Variants in UBE2Q1 observed in about 807,000 individuals in gnomAD.
UBE2Q1 encodes ubiquitin conjugating enzyme E2 Q1, also known as ubiquitin-conjugating enzyme E2 Q1.
UBE2Q1 carries 6 observed loss-of-function variants against 60.1 expected under a neutral mutation model. That is an observed-to-expected ratio of 0.10 (90% CI 0.05 to 0.20). UBE2Q1 has a LOEUF of 0.20. Ranked by LOEUF, UBE2Q1 falls within the 10% of genes least tolerant of loss-of-function variation. The probability of loss-of-function intolerance (pLI) is 1.00; values close to 1 mark genes in which losing one functional copy is unlikely to be tolerated. For synonymous variants in UBE2Q1, 226 were observed against 208.3 expected (o/e 1.09, Z -0.73); for missense variants, 262 against 525.8 (o/e 0.50, Z 4.91).
intron 1 of UBE2Q1, among the ~76,000 whole-genome samples, chr1:154,556,214 C>G (rs987842887): frequency 1.3e-5 from 2 of 152,072 alleles, no homozygotes; most frequent in African/African-American, 4.8e-5. Context: ...TTTCTTTCCT[C>G]GAGAGTACAA....
rs1695851846 is a variant in UBE2Q1, at chr1:154,554,723, G to A, written c.588+12C>T. 6 of 1,612,920 alleles carry A rather than the reference G, an allele frequency of 3.7e-6. No individual in the cohort carries two copies. On this transcript the variant is annotated intron_variant, in intron 4 of 12. Coordinates refer to ENST00000292211, the MANE Select transcript of UBE2Q1 (RefSeq NM_017582.7). The stretch of plus-strand genomic sequence containing the variant: ...AGCTTCCAGCCAATGCCACCTCAGG[G>A]GGCAAGCCTACCTCAGGCATCTCCT...
intron 6 of UBE2Q1, 51 bp downstream of exon 6, chr1:154,552,685 C>A: frequency 1.3e-6 from 2 of 1,592,120 alleles, no homozygotes; most frequent in Non-Finnish European, 1.7e-6. Context: ...TGCCACCATA[C>A]CCTTCTTTAT....
intron 12 of UBE2Q1, 30 bp downstream of exon 12, chr1:154,550,908 G>A (rs368088944): frequency 3.2e-5 from 51 of 1,613,972 alleles, no homozygotes; most frequent in Middle Eastern, 1.7e-4. Context: ...GCAAGTGTCC[G>A]AATCTCCTGA....
intron 2 of UBE2Q1, 92 bp downstream of exon 2, chr1:154,555,768 A>G: frequency 8.3e-7 from 1 of 1,205,018 alleles, no homozygotes; most frequent in Non-Finnish European, 1.2e-6. Flanking sequence ...TTAGCTGTGT[A>G]CCGTCCACTT....
At chr1:154,554,810 A>G in intron 3 of UBE2Q1, 25 bp from the exon 4 acceptor site, 2 of 1,611,770 alleles carry the variant, frequency 1.2e-6, no homozygotes, top group African/African-American at 1.3e-5. Context: ...GGAAAGATGG[A>G]GATCAGAGCC....
At chr1:154,558,071 C>T (rs895767618) in intron 1 of UBE2Q1, among the ~76,000 whole-genome samples, 156 bp downstream of exon 1, 1 of 151,894 alleles carries the variant, frequency 6.6e-6, no homozygotes, top group African/African-American at 2.4e-5. Context: ...ACTGCATAAC[C>T]TCAAGCAGCA....
Position 154,553,120 on chromosome 1 carries a change from C to A in UBE2Q1, c.641G>T (p.Gly214Val), listed in dbSNP as rs764645047. 1 of 1,613,990 alleles carries A rather than the reference C, an allele frequency of 6.2e-7. No individual in the cohort carries two copies. Among genetic ancestry groups the A allele is most frequent in the Non-Finnish European group, 8.5e-7 (1 of 1,180,038 alleles). ...YEMKEEEPAE[G>V]KKSEDDGIGK... Reference sequence around the variant, plus strand: ...AATGCCATCATCTTCAGATTTCTTGCCCTCAGCTGGCTCTTCCTCTTTCAT... The same window carrying A: ...AATGCCATCATCTTCAGATTTCTTGACCTCAGCTGGCTCTTCCTCTTTCAT... The change falls in exon 5 of 13, where the codon GGC (glycine) becomes GTC (valine). Residue 214 changes from glycine (G) to valine (V), a missense_variant. Around this residue, in one of 5 missense-constraint regions of UBE2Q1, gnomAD observed 111 missense variants for 266.8 expected, o/e 0.42. Transcript: ENST00000292211.
At chr1:154,555,330 T>A (rs1205260810) in intron 3 of UBE2Q1, 98 bp downstream of exon 3, 1 of 1,015,518 alleles carries the variant, frequency 9.8e-7, no homozygotes, top group Non-Finnish European at 1.5e-6. Context: ...TGGGAGCCGG[T>A]GGGGATGGAG....
intron 1 of UBE2Q1, among the ~76,000 whole-genome samples, chr1:154,556,990 C>T (rs983675487): frequency 3.3e-5 from 5 of 152,146 alleles, no homozygotes; most frequent in Non-Finnish European, 1.5e-5. Context: ...CAAAGATGCC[C>T]AAGTCTTCAC....
chr1:154,550,850 A>G (rs370253850), intron 12 of UBE2Q1, 88 bp downstream of exon 12: 11 of 1,608,364 alleles, frequency 6.8e-6, no homozygotes, highest in Middle Eastern at 1.7e-4. Context: ...ATCAGAAACC[A>G]AAAGAAGGGG....
intron 4 of UBE2Q1, among the ~76,000 whole-genome samples, chr1:154,554,044 G>C (rs546774190): frequency 1.3e-4 from 20 of 152,244 alleles, no homozygotes; most frequent in Non-Finnish European, 2.6e-4. Flanking sequence ...AGCAGGTAAT[G>C]TCTACTGAGT....
intron 3 of UBE2Q1, 84 bp from the exon 4 acceptor site, chr1:154,554,869 A>G: frequency 1.4e-6 from 2 of 1,459,148 alleles, no homozygotes; most frequent in Non-Finnish European, 1.9e-6. Context: ...CTGAGCCCCC[A>G]GGTCTGGAAG....
intron 4 of UBE2Q1, 77 bp from the exon 5 acceptor site, chr1:154,553,249 CA>C (rs1235856818): frequency 1.3e-6 from 2 of 1,542,340 alleles, no homozygotes; most frequent in Admixed American, 4.2e-5. Context: ...ATCACCTTCC[CA>C]GTCCCATTTG....
At position 154,552,093 on chromosome 1, in the gene UBE2Q1, T is replaced by C. The variant is rs1005511000; in HGVS notation, c.966A>G (p.Lys322=). 3.7e-6 allele frequency: 6 copies of C among 1,614,084 alleles called. No homozygotes were observed. In the African/African-American group the frequency reaches 6.7e-5, roughly 18 times the overall value. The part of the protein sequence containing the change: ...ADFILLNFSF[K]DNFPFDPPFV... Reference sequence around the variant, plus strand: ...AGAGACTGGAAAAGAAAAGTCTTACTTTAAAGGAAAAGTTAAGTAGAATGA... The same window carrying C: ...AGAGACTGGAAAAGAAAAGTCTTACCTTAAAGGAAAAGTTAAGTAGAATGA... Residue 322 remains lysine, a splice_region_variant and synonymous_variant, in exon 8 of 13, where the codon AAA becomes AAG. Transcript: ENST00000292211.
At chr1:154,553,614 A>C (rs1695832192) in intron 4 of UBE2Q1, 1 of 161,402 alleles carries the variant, frequency 6.2e-6, no homozygotes, top group South Asian at 1.7e-4. Context: ...CCAAGCCTAA[A>C]GGAGAAACCT....
At position 154,553,066 on chromosome 1, in the gene UBE2Q1, T is replaced by G; in HGVS notation, c.695A>C (p.Lys232Thr). The change falls in exon 5 of 13, where the codon AAA becomes ACA. Residue 232 changes from lysine (K) to threonine (T), a missense_variant. Physicochemically the swap from Lys to Thr is moderately conservative, Grantham distance 78. This residue lies in a region of UBE2Q1 where 111 missense variants were observed against 266.8 expected (regional missense o/e 0.42). Transcript: ENST00000292211. ...IGKENLAILE[K>T]IKKNQRQDYL... ...ATCTTGCCTCTGGTTCTTTTTAATT[T>G]TCTCTAGGATGGCCAAGTTTTCTTT... is the stretch of plus-strand genomic sequence containing the variant. 1 of 1,614,178 alleles carries G rather than the reference T, an allele frequency of 6.2e-7. No individual in the cohort carries two copies. Among genetic ancestry groups the G allele is most frequent in the South Asian group, 1.1e-5 (1 of 91,088 alleles).
rs1409279458 is a variant in UBE2Q1, at chr1:154,552,073, C to A, written c.966+20G>T. ...GGGCAGCCTAGGCCAGAGGGAGAGACTGGAAAAGAAAAGTCTTACTTTAAA... is the reference window on the plus strand; with the variant it reads ...GGGCAGCCTAGGCCAGAGGGAGAGAATGGAAAAGAAAAGTCTTACTTTAAA... On this transcript the variant is annotated intron_variant, in intron 8 of 12. Transcript: ENST00000292211. The A allele has an allele frequency of 6.2e-7, 1 of 1,614,106 alleles. No individual in the cohort carries two copies. The highest frequency in any genetic ancestry group is 8.5e-7 in the Non-Finnish European group (1 of 1,179,988).
intron 8 of UBE2Q1, 31 bp from the exon 9 acceptor site, chr1:154,552,010 G>A (rs760951743): frequency 6.2e-7 from 1 of 1,614,022 alleles, no homozygotes; most frequent in Non-Finnish European, 8.5e-7. Flanking sequence ...AATCAGGGGA[G>A]GGAGGCCAGC....
At chr1:154,555,047 G>C (rs1024852177) in intron 3 of UBE2Q1, 25 of 531,692 alleles carry the variant, frequency 4.7e-5, no homozygotes, top group African/African-American at 4.3e-4. Flanking sequence ...CTAAATCCTA[G>C]TTTAATTCTC....
Sources: allele counts gnomAD v4.1 joint callset (sites outside exome capture counted in the v4.1 genomes callset), GRCh38; gene constraint gnomAD v4.1.1; regional missense constraint gnomAD v4.1.1; transcripts MANE v1.5; gene names NCBI Gene and HGNC (gene_info 2026-07-23, HGNC 2026-07-21).